TRUB1: variants seen among roughly 807,000 people sequenced by gnomAD.
The protein encoded by TRUB1 is pseudouridylate synthase TRUB1.
TRUB1 carries 23 observed loss-of-function variants against 33.9 expected under a neutral mutation model. The ratio of observed to expected loss-of-function variants is 0.68; its 90% CI spans 0.49 to 0.96. The LOEUF (loss-of-function observed/expected upper bound fraction) is 0.96, where lower values mean the gene tolerates loss of function less well. TRUB1 is among the 40% of genes least tolerant of loss of function. TRUB1 has a pLI of 0.00. For synonymous variants in TRUB1, 163 were observed against 165.4 expected (o/e 0.99, Z 0.11); for missense variants, 378 against 422.2 (o/e 0.90, Z 0.92).
chr10:114,954,959 T>C lies in TRUB1; in HGVS notation c.441+3810T>C, dbSNP rs546234597. ...GATTGCTGGTGATGTAGGCAAAATATTGCACTCATCAGAAAGAGAAAGCAT... is the reference window on the plus strand; with the variant it reads ...GATTGCTGGTGATGTAGGCAAAATACTGCACTCATCAGAAAGAGAAAGCAT... On this transcript the variant is annotated intron_variant, in intron 3 of 7. Transcript: ENST00000298746. Among the ~76,000 whole-genome samples, 6 of 152,148 alleles carry C rather than the reference T, an allele frequency of 3.9e-5. No individual in the cohort carries two copies. In the South Asian group the frequency reaches 1.0e-3, roughly 26 times the overall value.
intron 2 of TRUB1, among the ~76,000 whole-genome samples, chr10:114,943,097 C>T (rs772695392): frequency 2.0e-5 from 3 of 152,198 alleles, no homozygotes; most frequent in Non-Finnish European, 4.4e-5. Context: ...AGTGTTCCCA[C>T]CCTTCTCTGT....
At chr10:114,945,338 T>C (rs537526583) in intron 2 of TRUB1, among the ~76,000 whole-genome samples, 21 of 152,230 alleles carry the variant, frequency 1.4e-4, no homozygotes, top group Non-Finnish European at 2.1e-4. Flanking sequence ...CAGTAGCCTA[T>C]ACCAGTTGAT....
intron 7 of TRUB1, 104 bp downstream of exon 7, chr10:114,974,489 G>C: frequency 1.1e-6 from 1 of 909,082 alleles, no homozygotes. Flanking sequence ...ACTGGCCTTA[G>C]GAACTGAACT....
chr10:114,938,320 G>C lies in TRUB1; in HGVS notation c.67G>C (p.Glu23Gln). The C allele has an allele frequency of 1.2e-6, 2 of 1,614,118 alleles. No homozygotes were observed. Among genetic ancestry groups the C allele is most frequent in the Non-Finnish European group, 8.5e-7 (1 of 1,179,994 alleles). ...SLKTDTSPVLETAGTVAAMAA... is the reference protein window; with the variant it reads ...SLKTDTSPVLQTAGTVAAMAA... ...GAAAACAGACACATCCCCTGTCCTT[G>C]AAACTGCAGGAACGGTCGCAGCAAT... Residue 23 changes from glutamate to glutamine, a missense_variant, in exon 1 of 8, where the codon GAA (glutamate) becomes CAA (glutamine). Physicochemically the swap from Glu to Gln is conservative, Grantham distance 29. Transcript: ENST00000298746.
At chr10:114,956,726 T>C (rs760816135) in intron 3 of TRUB1, among the ~76,000 whole-genome samples, 54 of 152,320 alleles carry the variant, frequency 3.5e-4, no homozygotes, top group Non-Finnish European at 6.8e-4. Flanking sequence ...TTTCAGAGAT[T>C]ACTAGATGTG....
At chr10:114,951,767 G>A (rs2084236521) in intron 3 of TRUB1, among the ~76,000 whole-genome samples, 1 of 152,162 alleles carries the variant, frequency 6.6e-6, no homozygotes, top group African/African-American at 2.4e-5. Flanking sequence ...GTATCCTAAT[G>A]AGTAATTAGG....
intron 4 of TRUB1, among the ~76,000 whole-genome samples, chr10:114,968,549 A>T (rs574899331): frequency 1.7e-4 from 26 of 150,464 alleles, no homozygotes; most frequent in African/African-American, 6.3e-4. Context: ...CTGTAGACTA[A>T]AATTTTTTCA....
At chr10:114,950,227 A>T (rs567088141) in intron 2 of TRUB1, among the ~76,000 whole-genome samples, 1 of 152,190 alleles carries the variant, frequency 6.6e-6, no homozygotes, top group African/African-American at 2.4e-5. Flanking sequence ...ATTAAATGGG[A>T]TAATGAAAGG....
intron 2 of TRUB1, among the ~76,000 whole-genome samples, chr10:114,947,687 AG>A (rs1375243975): frequency 1.3e-5 from 2 of 152,196 alleles, no homozygotes; most frequent in Non-Finnish European, 2.9e-5. Context: ...CATGTTGATA[AG>A]CTCTTTGTAA....
chr10:114,956,142 G>T (rs778227294), intron 3 of TRUB1, among the ~76,000 whole-genome samples: 4 of 152,158 alleles, frequency 2.6e-5, no homozygotes, highest in Admixed American at 2.0e-4. Flanking sequence ...GGGGTTTAGG[G>T]AGCTTGACGA....
chr10:114,954,305 C>T (rs892415306), intron 3 of TRUB1, among the ~76,000 whole-genome samples: 2 of 152,124 alleles, frequency 1.3e-5, no homozygotes, highest in Non-Finnish European at 2.9e-5. Context: ...CCTAGCCAGT[C>T]GTAATTGGAG....
chr10:114,941,224 A>C (rs2084185121), intron 1 of TRUB1, among the ~76,000 whole-genome samples: 1 of 152,186 alleles, frequency 6.6e-6, no homozygotes, highest in South Asian at 2.1e-4. Context: ...TCTAATAGCC[A>C]ATACTCTCTC....
intron 2 of TRUB1, among the ~76,000 whole-genome samples, chr10:114,945,486 G>A (rs1257422070): frequency 1.3e-5 from 2 of 152,172 alleles, no homozygotes; most frequent in Admixed American, 6.5e-5. Flanking sequence ...TATTAATTTC[G>A]GGTGGCGGTT....
At chr10:114,972,622 G>T (rs1224532283) in intron 6 of TRUB1, among the ~76,000 whole-genome samples, 1 of 152,092 alleles carries the variant, frequency 6.6e-6, no homozygotes, top group Non-Finnish European at 1.5e-5. Flanking sequence ...TCTTTTGGAT[G>T]CTTTTCCTCC....
Position 114,959,807 on chromosome 10 carries a change from G to A in TRUB1, c.523G>A (p.Asp175Asn), listed in dbSNP as rs199581186. ...GAGGGTAACAGAAGAAAAACCTTACGGTATGAAGCTCATCTAATGTAGGCC... is the reference window on the plus strand; with the variant it reads ...GAGGGTAACAGAAGAAAAACCTTACAGTATGAAGCTCATCTAATGTAGGCC... ...TGRVTEEKPY[D>N]KITQEDIEGI... is the part of the protein sequence containing the mutation. The change falls in exon 4 of 8, where the codon GAT becomes AAT. Residue 175 changes from aspartate (D) to asparagine (N), a missense_variant and splice_region_variant. Transcript: ENST00000298746. 10 of 1,586,718 alleles carry A rather than the reference G, an allele frequency of 6.3e-6. No homozygotes were observed. The highest frequency in any genetic ancestry group is 2.2e-5 in the East Asian group (1 of 44,764).
chr10:114,961,763 A>G (rs1230794089), intron 4 of TRUB1, among the ~76,000 whole-genome samples: 1 of 152,176 alleles, frequency 6.6e-6, no homozygotes, highest in African/African-American at 2.4e-5. Flanking sequence ...ATCAACAAAT[A>G]TTTTTTATTT....
chr10:114,952,006 T>TGATGACTG (rs2084237753), intron 3 of TRUB1, among the ~76,000 whole-genome samples: 1 of 152,232 alleles, frequency 6.6e-6, no homozygotes, highest in African/African-American at 2.4e-5. Flanking sequence ...GCAGACTGAT[T>TGATGACTG]GATGACTTTT....
In TRUB1 at chr10:114,972,175, T is replaced by C; in HGVS notation, c.637T>C (p.Leu213=). 6.2e-7 allele frequency: 1 copy of C among 1,613,638 alleles called. No homozygotes were observed. The highest frequency in any genetic ancestry group is 2.2e-5 in the East Asian group (1 of 44,832). The change falls in exon 6 of 8, where the codon TTG becomes CTG. Residue 213 remains leucine, a synonymous_variant. Coordinates refer to ENST00000298746, the MANE Select transcript of TRUB1 (RefSeq NM_139169.5). ...GAAAGATGGACAAAGACTTTCGACT[T>C]TGATGAAGAGAGGTGAAGTCGTAGA... ...LKKDGQRLST[L]MKRGEVVEAK...
intron 1 of TRUB1, among the ~76,000 whole-genome samples, chr10:114,938,772 A>G (rs888790529): frequency 1.3e-5 from 2 of 152,222 alleles, no homozygotes; most frequent in Non-Finnish European, 2.9e-5. Flanking sequence ...AAAATCCCGT[A>G]CTTACACAAT....
Sources: allele counts gnomAD v4.1 joint callset (sites outside exome capture counted in the v4.1 genomes callset), GRCh38; gene constraint gnomAD v4.1.1; transcripts MANE v1.5; gene names NCBI Gene and HGNC (gene_info 2026-07-23, HGNC 2026-07-21).